Variants in SLC22A8 observed in about 807,000 individuals in gnomAD.
SLC22A8 encodes the protein organic anion transporter 3.
In SLC22A8, 40 loss-of-function variants were observed where a neutral mutation model predicts 48.4. The observed-to-expected ratio is 0.83, with a 90% CI of 0.64 to 1.08. SLC22A8 has a LOEUF of 1.08. Among genes scored for constraint, SLC22A8 ranks in the 50% least tolerant of loss-of-function variants. SLC22A8 has a pLI of 0.00. For missense variants in SLC22A8, 606 were observed against 699.0 expected (o/e 0.87, Z 1.50); for synonymous variants, 268 against 286.3 (o/e 0.94, Z 0.65).
intron 7 of SLC22A8, 162 bp from the exon 8 acceptor site, chr11:62,994,918 G>A: frequency 1.5e-6 from 1 of 650,916 alleles, no homozygotes; most frequent in Non-Finnish European, 2.8e-6. Context: ...CTGAGATCGT[G>A]TCTGGGCTCA....
At chr11:62,999,152 G>A (rs1387702297) in intron 4 of SLC22A8, 63 bp from the exon 5 acceptor site, 2 of 1,450,060 alleles carry the variant, frequency 1.4e-6, no homozygotes, top group Non-Finnish European at 1.9e-6. Context: ...TCCGCGTGAA[G>A]GGGCACCAGC....
chr11:63,008,947 T>G (rs2135141358), intron 2 of SLC22A8, among the ~76,000 whole-genome samples: 1 of 152,182 alleles, frequency 6.6e-6, no homozygotes, highest in South Asian at 2.1e-4. Context: ...CAGTGGGTGC[T>G]CACTGGTGAG....
chr11:62,999,761 G>A lies in SLC22A8; in HGVS notation c.519C>T (p.Phe173=). The A allele has an allele frequency of 6.2e-7, 1 of 1,608,262 alleles. No homozygotes were observed. Among genetic ancestry groups the A allele is most frequent in the South Asian group, 1.1e-5 (1 of 90,102 alleles). Residue 173 remains phenylalanine, a synonymous_variant, in exon 4 of 11, where the codon TTC becomes TTT. Transcript: ENST00000336232. ...SGSGAAFSPT[F]PIYMVFRFLC... ...GGAAGCGGAAGACCATGTAGATGGG[G>A]AAGGTGGGGCTGAAGGCTGCACCGG...
chr11:63,006,262 C>T (rs1362176525), intron 2 of SLC22A8, among the ~76,000 whole-genome samples: 1 of 152,160 alleles, frequency 6.6e-6, no homozygotes, highest in African/African-American at 2.4e-5. Flanking sequence ...AAGCTCCATG[C>T]TATTGCATTT....
chr11:63,003,105 C>T (rs1444506037), intron 2 of SLC22A8, among the ~76,000 whole-genome samples: 1 of 152,244 alleles, frequency 6.6e-6, no homozygotes. Flanking sequence ...GCCCCATTAA[C>T]ATGGGTTTAT....
At chr11:62,999,474 T>A in intron 4 of SLC22A8, 1 of 475,974 alleles carries the variant, frequency 2.1e-6, no homozygotes, top group South Asian at 5.2e-5. Context: ...TAGCAGAGTG[T>A]CAGGTCCAGG....
chr11:62,995,735 G>C lies in SLC22A8; in HGVS notation c.970C>G (p.Arg324Gly). ...ASDLFRIPML[R>G]RMTFCLSLAW... ...AGGGAAAGACAGAAGGTCATGCGGC[G>C]CAGCATGGGTATCCGGAACAGGTCA... Residue 324 changes from arginine to glycine, a missense_variant, in exon 7 of 11, where the codon CGC becomes GGC. Coordinates refer to ENST00000336232, the MANE Select transcript of SLC22A8 (RefSeq NM_004254.4). 1.9e-6 allele frequency: 3 copies of C among 1,613,978 alleles called. No individual in the cohort carries two copies. Among genetic ancestry groups the C allele is most frequent in the African/African-American group, 2.7e-5 (2 of 75,040 alleles).
intron 2 of SLC22A8, 105 bp from the exon 3 acceptor site, chr11:63,000,928 G>T (rs1314865388): frequency 1.2e-6 from 1 of 839,560 alleles, no homozygotes. Flanking sequence ...CCAGCGCCCT[G>T]ACTTTGCCCC....
chr11:63,008,616 C>T (rs1273732521), intron 2 of SLC22A8, among the ~76,000 whole-genome samples: 2 of 152,164 alleles, frequency 1.3e-5, no homozygotes, highest in Non-Finnish European at 2.9e-5. Flanking sequence ...GAATGAAAAG[C>T]ACCCAGCACT....
chr11:63,011,297 G>T (rs921278993), intron 2 of SLC22A8, among the ~76,000 whole-genome samples: 2 of 152,208 alleles, frequency 1.3e-5, no homozygotes, highest in South Asian at 2.1e-4. Flanking sequence ...ACCTTAGAGG[G>T]TTATTGTGAA....
intron 5 of SLC22A8, among the ~76,000 whole-genome samples, chr11:62,996,515 A>G (rs2086422474): frequency 6.6e-6 from 1 of 152,182 alleles, no homozygotes; most frequent in African/African-American, 2.4e-5. Flanking sequence ...GGTCCTGCAC[A>G]TCCACCTCCC....
chr11:63,010,688 C>T (rs1407315984), intron 2 of SLC22A8, among the ~76,000 whole-genome samples: 2 of 152,178 alleles, frequency 1.3e-5, no homozygotes, highest in Non-Finnish European at 2.9e-5. Flanking sequence ...AATGCCTGGG[C>T]CAGACCTGAC....
intron 5 of SLC22A8, among the ~76,000 whole-genome samples, chr11:62,998,464 C>T (rs920426614): frequency 6.6e-6 from 1 of 152,186 alleles, no homozygotes; most frequent in African/African-American, 2.4e-5. Context: ...AGATATATCC[C>T]AGATTAGTCT....
intron 2 of SLC22A8, among the ~76,000 whole-genome samples, chr11:63,006,981 A>G (rs567582977): frequency 1.3e-5 from 2 of 152,292 alleles, no homozygotes; most frequent in East Asian, 3.9e-4. Context: ...ACAAATAATT[A>G]ATGAGTGAAC....
chr11:63,015,703 TG>T, intron 1 of SLC22A8, 25 bp downstream of exon 1: 1 of 153,408 alleles, frequency 6.5e-6, no homozygotes, highest in Non-Finnish European at 1.5e-5. Flanking sequence ...GTGCCTGGGC[TG>T]GGGAGGCCCT....
intron 2 of SLC22A8, among the ~76,000 whole-genome samples, chr11:63,001,548 T>C (rs2086495120): frequency 6.6e-6 from 1 of 152,212 alleles, no homozygotes; most frequent in Non-Finnish European, 1.5e-5. Flanking sequence ...CAGATGTGGA[T>C]GCTGCTGATC....
At chr11:63,006,268 C>A (rs1012840267) in intron 2 of SLC22A8, among the ~76,000 whole-genome samples, 1 of 152,164 alleles carries the variant, frequency 6.6e-6, no homozygotes, top group African/African-American at 2.4e-5. Context: ...CATGCTATTG[C>A]ATTTCTCTTT....
intron 2 of SLC22A8, among the ~76,000 whole-genome samples, chr11:63,003,889 G>T (rs534723654): frequency 1.3e-5 from 2 of 152,232 alleles, no homozygotes; most frequent in South Asian, 4.2e-4. Flanking sequence ...GGCCTAAAAT[G>T]CTACTCACCT....
intron 1 of SLC22A8, among the ~76,000 whole-genome samples, chr11:63,015,269 A>G (rs1565304169): frequency 6.6e-6 from 1 of 152,220 alleles, no homozygotes; most frequent in East Asian, 1.9e-4. Flanking sequence ...GTGCTCATTT[A>G]GGCTGCAGCA....
Sources: gnomAD v4.1 joint callset for allele counts (sites outside exome capture counted in the v4.1 genomes callset) on GRCh38, gnomAD v4.1.1 for gene constraint, MANE v1.5 for transcripts, NCBI Gene and HGNC (gene_info 2026-07-23, HGNC 2026-07-21) for gene names.